Variants in SBF1 observed in about 807,000 individuals in gnomAD.
The protein encoded by SBF1 is myotubularin-related protein 5.
In SBF1, 65 loss-of-function variants were observed where a neutral mutation model predicts 215.8. The observed-to-expected ratio is 0.30, with a 90% CI of 0.25 to 0.37. The LOEUF is 0.37. Ranked by LOEUF, SBF1 falls within the 10% of genes least tolerant of loss-of-function variation. SBF1 has a pLI of 1.00. For missense variants in SBF1, 2,634 were observed against 2,667.8 expected, an observed-to-expected ratio of 0.99 and a Z score of 0.28; for synonymous variants, 1,410 against 1,122.8, an observed-to-expected ratio of 1.26 and a Z score of -5.11.
In SBF1 at chr22:50,459,395, G is replaced by GGGGGAGGACACGGAGCTGAGGGA. The variant is rs2067402078; in HGVS notation, c.3689-26_3689-4dup. Reference sequence around the variant, plus strand: ...ACTCGAGTCCGCCTGGGACTGGCCTGGGGGAGGACACGGAGCTGAGGGAGG... The same window carrying GGGGGAGGACACGGAGCTGAGGGA: ...ACTCGAGTCCGCCTGGGACTGGCCTGGGGGAGGACACGGAGCTGAGGGAGGGGAGGACACGGAGCTGAGGGAGG... On this transcript the variant is annotated splice_polypyrimidine_tract_variant and splice_region_variant and intron_variant, in intron 27 of 40. Transcript: ENST00000380817. 6.2e-7 allele frequency: 1 copy of GGGGGAGGACACGGAGCTGAGGGA among 1,612,114 alleles called. No individual in the cohort carries two copies. Among genetic ancestry groups the GGGGGAGGACACGGAGCTGAGGGA allele is most frequent in the Middle Eastern group, 1.7e-4 (1 of 6,038 alleles).
intron 28 of SBF1, among the ~76,000 whole-genome samples, chr22:50,459,012 AGCGGGCAGGACGTCAGG>A (rs1243446061): frequency 4.6e-5 from 7 of 152,134 alleles, no homozygotes; most frequent in African/African-American, 7.2e-5. Context: ...AGAGGTGGAG[AGCGGGCAGGACGTCAGG>A]GCGGGCAGGA....
chr22:50,462,852 AG>A lies in SBF1; in HGVS notation c.1968+17del. ...AAGGGGGGGCTGGGAAGGAGACCTC[AG>A]CCATGCCAGCACTCACCCGGCAGAA... On this transcript the variant is annotated intron_variant, in intron 17 of 40. Transcript: ENST00000380817. The A allele has an allele frequency of 6.2e-7, 1 of 1,612,820 alleles. No individual in the cohort carries two copies. Among genetic ancestry groups the A allele is most frequent in the Non-Finnish European group, 8.5e-7 (1 of 1,179,716 alleles).
intron 26 of SBF1, 25 bp downstream of exon 26, chr22:50,459,927 C>A (rs748429686): frequency 6.2e-7 from 1 of 1,611,048 alleles, no homozygotes. Context: ...GTCCACCACC[C>A]GGGCCAGCCC....
Position 50,465,783 on chromosome 22 carries a change from T to A in SBF1, c.1069A>T (p.Thr357Ser). 1.2e-6 allele frequency: 2 copies of A among 1,607,960 alleles called. No individual in the cohort carries two copies. Among genetic ancestry groups the A allele is most frequent in the Non-Finnish European group, 1.7e-6 (2 of 1,177,988 alleles). Reference protein sequence around the residue: ...DLAFPPPTTSTSSLKMQDKEL... With the variant: ...DLAFPPPTTSSSSLKMQDKEL... The stretch of plus-strand genomic sequence containing the variant: ...CCCACCTGCATCTTCAGGGAGGAGG[T>A]GGATGTCGTGGGCGGAGGGAAGGCG... Residue 357 changes from threonine to serine, a missense_variant, in exon 10 of 41, where the codon ACC (threonine) becomes TCC (serine). Transcript: ENST00000380817.
In SBF1 at chr22:50,456,566, C is replaced by T; in HGVS notation, c.4012G>A (p.Gly1338Ser). 1 of 1,574,524 alleles carries T rather than the reference C, an allele frequency of 6.4e-7. No individual in the cohort carries two copies. Among genetic ancestry groups the T allele is most frequent in the Non-Finnish European group, 8.6e-7 (1 of 1,161,424 alleles). ...DALAPPQANG[G>S]PPDPGFLRPQ... ...CGCAGGAAGCCCGGGTCGGGAGGGC[C>T]CCCGTTGGCCTGGGGTGGGGCCAGC... Residue 1338 changes from glycine to serine, a missense_variant, in exon 30 of 41, where the codon GGC becomes AGC. Physicochemically the swap from Gly to Ser is moderately conservative, Grantham distance 56. Transcript: ENST00000380817.
intron 36 of SBF1, 61 bp downstream of exon 36, chr22:50,454,451 C>T: frequency 3.5e-6 from 5 of 1,432,760 alleles, no homozygotes; most frequent in South Asian, 3.4e-5. Flanking sequence ...ACGCACGACC[C>T]TGGTGTCTGA....
intron 11 of SBF1, 34 bp from the exon 12 acceptor site, chr22:50,465,163 T>C: frequency 6.2e-7 from 1 of 1,613,316 alleles, no homozygotes; most frequent in Non-Finnish European, 8.5e-7. Flanking sequence ...CCCTCAGGGG[T>C]CTCCACCATG....
intron 36 of SBF1, among the ~76,000 whole-genome samples, chr22:50,449,715 A>G (rs2066975269): frequency 6.6e-6 from 1 of 152,156 alleles, no homozygotes; most frequent in Non-Finnish European, 1.5e-5. Context: ...AAAACCTGCC[A>G]GAAGAAAAAA....
chr22:50,456,757 G>A (rs1045489883), intron 29 of SBF1, 84 bp from the exon 30 acceptor site: 4 of 1,234,860 alleles, frequency 3.2e-6, no homozygotes, highest in Admixed American at 6.1e-5. Context: ...CTCCAGGGAG[G>A]GGGCTGAGCT....
chr22:50,453,703 T>C (rs910991548), intron 36 of SBF1, among the ~76,000 whole-genome samples: 2 of 151,826 alleles, frequency 1.3e-5, no homozygotes, highest in Admixed American at 6.5e-5. Context: ...AGGAGAATGG[T>C]GTGAACCCGG....
Position 50,449,351 on chromosome 22 carries a change from T to C in SBF1, c.5044-701A>G, listed in dbSNP as rs542913334. Among the ~76,000 whole-genome samples the C allele has an allele frequency of 1.7e-3, 253 of 151,848 alleles. 1 individual carries two copies. The highest frequency in any genetic ancestry group is 5.9e-3 in the African/African-American group (243 of 41,246). On this transcript the variant is annotated intron_variant, in intron 36 of 40. Coordinates refer to ENST00000380817, the MANE Select transcript of SBF1 (RefSeq NM_002972.4). ...TGATTTTAGGGCCAGGCGCGGTGGC[T>C]CACGCCTGTAATCCCAGCACTTTGG...
At position 50,460,881 on chromosome 22, in the gene SBF1, G is replaced by A. The variant is rs2236030; in HGVS notation, c.2968-169C>T. On this transcript the variant is annotated intron_variant, in intron 23 of 40. Transcript: ENST00000380817. ...CGAAGGCAAGCGCTTGTGTAAACTC[G>A]AAATCTCAGTGGCTGTGAGCTGAGG... Among the ~76,000 whole-genome samples, 11,420 of 152,246 alleles carry A rather than the reference G, an allele frequency of 0.075. 915 individuals carry two copies. The highest frequency in any genetic ancestry group is 0.43 in the East Asian group (2,197 of 5,152).
chr22:50,461,454 G>GTT, intron 22 of SBF1, 69 bp downstream of exon 22: 4 of 1,515,688 alleles, frequency 2.6e-6, no homozygotes, highest in Non-Finnish European at 3.5e-6. Flanking sequence ...GAGGGAGGCA[G>GTT]GGAAAGCCCA....
chr22:50,472,967 AGG>A (rs2068046737), intron 1 of SBF1, among the ~76,000 whole-genome samples: 1 of 152,182 alleles, frequency 6.6e-6, no homozygotes, highest in African/African-American at 2.4e-5. Context: ...CCGGTCACTT[AGG>A]GGAAGGGGGG....
chr22:50,449,702 C>T lies in SBF1; in HGVS notation c.5044-1052G>A, dbSNP rs117930436. On this transcript the variant is annotated intron_variant, in intron 36 of 40. Coordinates refer to ENST00000380817, the MANE Select transcript of SBF1 (RefSeq NM_002972.4). ...ACTGCTGAAAAACAAAGAGAAAAGT[C>T]CCAAAACCTGCCAGAAGAAAAAAAG... Among the ~76,000 whole-genome samples, 659 of 151,714 alleles carry T rather than the reference C, an allele frequency of 4.3e-3. 4 individuals carry two copies. The highest frequency in any genetic ancestry group is 0.032 in the South Asian group (155 of 4,778).
In SBF1 at chr22:50,461,644, C is replaced by T. The variant is rs771695527; in HGVS notation, c.2718G>A (p.Pro906=). 7.4e-6 allele frequency: 12 copies of T among 1,611,096 alleles called. No homozygotes were observed. The highest frequency in any genetic ancestry group is 2.2e-5 in the East Asian group (1 of 44,862). Residue 906 remains proline, a synonymous_variant, in exon 22 of 41, where the codon CCG becomes CCA. Transcript: ENST00000380817. ...CCCCCGCGCCCTCCTCACGCCCATC[C>T]GGCAGCAGGTAGACGCGCAGGCCGT... is the stretch of plus-strand genomic sequence containing the variant. ...VLDGLRVYLL[P]DGREEGAGGS... is the part of the protein sequence containing the mutation.
intron 36 of SBF1, 147 bp from the exon 37 acceptor site, chr22:50,448,797 G>T: frequency 1.6e-6 from 1 of 628,112 alleles, no homozygotes; most frequent in Non-Finnish European, 2.8e-6. Flanking sequence ...CAAGAGGGAG[G>T]GAAGGAATAT....
chr22:50,464,746 G>A lies in SBF1; in HGVS notation c.1432-8C>T, dbSNP rs767536010. 2 of 1,608,598 alleles carry A rather than the reference G, an allele frequency of 1.2e-6. No homozygotes were observed. Among genetic ancestry groups the A allele is most frequent in the East Asian group, 2.2e-5 (1 of 44,788 alleles). On this transcript the variant is annotated splice_region_variant and splice_polypyrimidine_tract_variant and intron_variant, in intron 13 of 40. Coordinates refer to ENST00000380817, the MANE Select transcript of SBF1 (RefSeq NM_002972.4). ...GGCTGGGTACGGGTTCTCCTGTGGG[G>A]AGACGGCAGGTGTGGGGCAGGGGCC... is the stretch of plus-strand genomic sequence containing the variant.
chr22:50,456,403 G>A lies in SBF1; in HGVS notation c.4087-8C>T, dbSNP rs1049634817. 1.2e-6 allele frequency: 2 copies of A among 1,611,228 alleles called. No individual in the cohort carries two copies. The highest frequency in any genetic ancestry group is 1.7e-6 in the Non-Finnish European group (2 of 1,179,762). On this transcript the variant is annotated splice_polypyrimidine_tract_variant and splice_region_variant and intron_variant, in intron 30 of 40. Transcript: ENST00000380817. ...GGGGTCTGACCGCACACCCTGAAAAGAATCCGGACAAGTCCCGTGAGACAC... is the reference window on the plus strand; with the variant it reads ...GGGGTCTGACCGCACACCCTGAAAAAAATCCGGACAAGTCCCGTGAGACAC...
Sources: gnomAD v4.1 joint callset for allele counts (sites outside exome capture counted in the v4.1 genomes callset) on GRCh38, gnomAD v4.1.1 for gene constraint, MANE v1.5 for transcripts, NCBI Gene and HGNC (gene_info 2026-07-23, HGNC 2026-07-21) for gene names.